The following ROBO2 variants were observed in gnomAD, a reference collection of about 807,000 sequenced individuals.
The protein encoded by ROBO2 is roundabout guidance receptor 2.
In ROBO2, 53 loss-of-function variants were observed where a neutral mutation model predicts 160.8. The ratio of observed to expected loss-of-function variants is 0.33; its 90% CI spans 0.26 to 0.41. ROBO2 has a LOEUF of 0.41. Among genes scored for constraint, ROBO2 ranks in the 10% least tolerant of loss-of-function variants. ROBO2 has a pLI of 1.00. For synonymous variants in ROBO2, 664 were observed against 611.7 expected, an observed-to-expected ratio of 1.09 and a Z score of -1.26; for missense variants, 1,577 against 1,722.4, an observed-to-expected ratio of 0.92 and a Z score of 1.49.
rs555417405 is a variant in ROBO2, at chr3:77,602,648, TACCACCACCACCGCCACCACCACC to T, written c.3136+170_3136+193del. ...TGTTTCCAGTAACTTGAGTAATTCCTACCACCACCACCGCCACCACCACCACCACCACCACCACCACCGCCGCCG... is the reference window on the plus strand; with the variant it reads ...TGTTTCCAGTAACTTGAGTAATTCCTACCACCACCACCACCACCGCCGCCG... On this transcript the variant is annotated intron_variant, in intron 20 of 25. Transcript: ENST00000461745. 1,376 of 866,178 alleles carry T rather than the reference TACCACCACCACCGCCACCACCACC, an allele frequency of 1.6e-3. 5 individuals carry two copies. Among genetic ancestry groups the T allele is most frequent in the South Asian group, 3.0e-3 (191 of 62,834 alleles). 53.7% of individuals were successfully genotyped at this position (866,178 alleles called of 1,614,324 possible).
intron 1 of ROBO2, among the ~76,000 whole-genome samples, chr3:77,088,724 T>C (rs1171795541): frequency 6.6e-6 from 1 of 152,208 alleles, no homozygotes; most frequent in Non-Finnish European, 1.5e-5. Context: ...TTTCAGTCTT[T>C]TAAATCATTG....
intron 2 of ROBO2, among the ~76,000 whole-genome samples, chr3:76,308,066 A>G (rs2071405178): frequency 6.6e-6 from 1 of 152,118 alleles, no homozygotes; most frequent in South Asian, 2.1e-4. Context: ...TTTATACTGT[A>G]CTAAATGCAG....
At chr3:77,074,227 CT>C (rs1173981495) in intron 1 of ROBO2, among the ~76,000 whole-genome samples, 1 of 152,322 alleles carries the variant, frequency 6.6e-6, no homozygotes, top group South Asian at 2.1e-4. Context: ...GGTAATGGCA[CT>C]TTATGTTTCC....
chr3:76,672,793 T>C (rs187868019), intron 2 of ROBO2, among the ~76,000 whole-genome samples: 31 of 152,304 alleles, frequency 2.0e-4, no homozygotes, highest in Admixed American at 3.3e-4. Context: ...TGGGGTGTTA[T>C]ATTTGATTGT....
intron 2 of ROBO2, among the ~76,000 whole-genome samples, chr3:76,050,371 A>T (rs950730853): frequency 1.4e-4 from 22 of 152,216 alleles, no homozygotes; most frequent in African/African-American, 5.1e-4. Context: ...TCAGCCACAC[A>T]CTGAAGGGGA....
chr3:75,949,175 TAAC>T, intron 2 of ROBO2, among the ~76,000 whole-genome samples: 1 of 152,280 alleles, frequency 6.6e-6, no homozygotes, highest in Non-Finnish European at 1.5e-5. Flanking sequence ...TTTGCTGAAA[TAAC>T]AACACACTAT....
At position 76,993,414 on chromosome 3, in the gene ROBO2, CTTTG is replaced by C. The variant is rs1005273481; in HGVS notation, c.110-104593_110-104590del. Among the ~76,000 whole-genome samples, 236 of 152,222 alleles carry C rather than the reference CTTTG, an allele frequency of 1.6e-3. 1 individual carries two copies. Among genetic ancestry groups the C allele is most frequent in the Middle Eastern group, 0.01 (3 of 292 alleles). On this transcript the variant is annotated intron_variant, in intron 2 of 26. Coordinates refer to the ROBO2 transcript ENST00000487694. ...CACATACAAATTATTCAAAATAAATCTTTGTTTGTTCTAGATCACTATCCCCAAA... is the reference window on the plus strand; with the variant it reads ...CACATACAAATTATTCAAAATAAATCTTTGTTCTAGATCACTATCCCCAAA...
chr3:76,579,098 C>T (rs1038549414), intron 2 of ROBO2, among the ~76,000 whole-genome samples: 2 of 152,106 alleles, frequency 1.3e-5, no homozygotes, highest in African/African-American at 4.8e-5. Context: ...ACTAACTTTG[C>T]TCCCTATATT....
intron 2 of ROBO2, among the ~76,000 whole-genome samples, chr3:76,854,838 A>G (rs1277480391): frequency 6.6e-6 from 1 of 152,172 alleles, no homozygotes; most frequent in Non-Finnish European, 1.5e-5. Flanking sequence ...TTCTTCACCT[A>G]CTTAAAAGAG....
intron 2 of ROBO2, among the ~76,000 whole-genome samples, chr3:76,483,628 T>A (rs946196761): frequency 3.3e-5 from 5 of 152,176 alleles, no homozygotes; most frequent in Non-Finnish European, 7.3e-5. Flanking sequence ...AACGCTTGTG[T>A]CACAGAGGTT....
intron 2 of ROBO2, among the ~76,000 whole-genome samples, chr3:75,994,431 G>C (rs769734835): frequency 2.6e-5 from 4 of 152,132 alleles, no homozygotes; most frequent in African/African-American, 4.8e-5. Context: ...CAGGAGGGTG[G>C]TTTTCCACCA....
intron 2 of ROBO2, among the ~76,000 whole-genome samples, chr3:76,064,270 T>C (rs73842946): frequency 0.021 from 3,139 of 152,290 alleles, 45 homozygotes; most frequent in East Asian, 0.081. Context: ...TGTAATCTGT[T>C]ATGCAGCAGG....
chr3:77,597,683 A>T (rs1005097195), intron 19 of ROBO2, among the ~76,000 whole-genome samples: 1 of 150,362 alleles, frequency 6.7e-6, no homozygotes, highest in African/African-American at 2.5e-5. Flanking sequence ...TTGATACCTG[A>T]AGCAAATTTA....
At chr3:76,450,440 T>C (rs893330119) in intron 2 of ROBO2, among the ~76,000 whole-genome samples, 1 of 152,170 alleles carries the variant, frequency 6.6e-6, no homozygotes, top group African/African-American at 2.4e-5. Context: ...TAAAGTAAAA[T>C]ATTTTTAAAT....
chr3:76,004,290 G>A (rs1025223555), intron 2 of ROBO2, among the ~76,000 whole-genome samples: 5 of 152,102 alleles, frequency 3.3e-5, no homozygotes, highest in Admixed American at 6.6e-5. Context: ...AGGCTACATA[G>A]TATATGATTC....
At chr3:76,462,341 C>T (rs1167785863) in intron 2 of ROBO2, among the ~76,000 whole-genome samples, 2 of 152,080 alleles carry the variant, frequency 1.3e-5, no homozygotes, top group Non-Finnish European at 2.9e-5. Context: ...AGAGCAGAAA[C>T]ATTCGAGCGA....
chr3:77,188,217 G>GGATT (rs2081461412), intron 2 of ROBO2, among the ~76,000 whole-genome samples: 3 of 143,138 alleles, frequency 2.1e-5, no homozygotes, highest in African/African-American at 9.0e-5. Context: ...TATATTATTT[G>GGATT]CTCTGAAGGG....
At chr3:77,605,219 C>T in intron 20 of ROBO2, among the ~76,000 whole-genome samples, 1 of 149,512 alleles carries the variant, frequency 6.7e-6, no homozygotes, top group East Asian at 1.9e-4. Context: ...TTAATATACA[C>T]ACAAATTAAA....
chr3:77,221,221 C>T (rs2085746135), intron 2 of ROBO2, among the ~76,000 whole-genome samples: 2 of 152,092 alleles, frequency 1.3e-5, no homozygotes, highest in South Asian at 4.1e-4. Flanking sequence ...GTGAGCTCCC[C>T]AATTCCTTGC....
Sources: allele counts gnomAD v4.1 joint callset (sites outside exome capture counted in the v4.1 genomes callset), GRCh38; gene constraint gnomAD v4.1.1; transcripts MANE v1.5; gene names NCBI Gene and HGNC (gene_info 2026-07-23, HGNC 2026-07-21).